Variants in TPP2 observed in about 807,000 individuals in gnomAD.
TPP2 encodes the protein tripeptidyl peptidase 2, also known as tripeptidyl-peptidase 2.
Under a neutral mutation model 155.9 loss-of-function variants are expected in TPP2, and 34 were observed. The ratio of observed to expected loss-of-function variants is 0.22; its 90% CI spans 0.17 to 0.29. The LOEUF (loss-of-function observed/expected upper bound fraction) is 0.29, where lower values mean the gene tolerates loss of function less well. Ranked by LOEUF, TPP2 falls within the 10% of genes least tolerant of loss-of-function variation. The pLI is 1.00. For synonymous variants in TPP2, 510 were observed against 529.4 expected (o/e 0.96, Z 0.50); for missense variants, 1,028 against 1,522.3 (o/e 0.68, Z 5.40).
chr13:102,629,034 T>G (rs1327155393), intron 8 of TPP2, among the ~76,000 whole-genome samples: 1 of 152,176 alleles, frequency 6.6e-6, no homozygotes, highest in Non-Finnish European at 1.5e-5. Context: ...CTAAGCAGGT[T>G]TCTTACACTT....
intron 6 of TPP2, among the ~76,000 whole-genome samples, chr13:102,626,132 CCTACAGTTAACTA>C (rs1249141482): frequency 6.6e-6 from 1 of 152,168 alleles, no homozygotes; most frequent in Non-Finnish European, 1.5e-5. Flanking sequence ...CCTCCCACCT[CCTACAGTTAACTA>C]CTATCCTGAT....
chr13:102,644,644 A>G lies in TPP2; in HGVS notation c.2263A>G (p.Ile755Val). 1.9e-6 allele frequency: 3 copies of G among 1,612,440 alleles called. No homozygotes were observed. Among genetic ancestry groups the G allele is most frequent in the Non-Finnish European group, 2.5e-6 (3 of 1,179,450 alleles). The change falls in exon 18 of 30, where the codon ATA (isoleucine) becomes GTA (valine). Residue 755 changes from isoleucine to valine, a missense_variant. By Grantham distance (29) the Ile-to-Val change is conservative. Around this residue, in one of 7 missense-constraint regions of TPP2, gnomAD observed 325 missense variants for 463.7 expected, o/e 0.70. Coordinates refer to ENST00000376052, the MANE Select transcript of TPP2 (RefSeq NM_001330588.2). ...NIDYTISFHG[I>V]VCTAPQLNIH... ...TGATTATACCATTTCTTTCCATGGG[A>G]TAGTGTGTACTGCTCCTCAGTTAAA...
chr13:102,663,340 G>T (rs1884380325), intron 25 of TPP2, among the ~76,000 whole-genome samples: 1 of 152,106 alleles, frequency 6.6e-6, no homozygotes, highest in Non-Finnish European at 1.5e-5. Context: ...TAGAGACGGG[G>T]TTTCACCATG....
chr13:102,669,299 A>G (rs910029071), intron 27 of TPP2, among the ~76,000 whole-genome samples: 11 of 152,116 alleles, frequency 7.2e-5, no homozygotes, highest in Non-Finnish European at 1.3e-4. Flanking sequence ...GACACGTTCT[A>G]CTGTGGCCTG....
chr13:102,638,641 A>G (rs555898670), intron 15 of TPP2, among the ~76,000 whole-genome samples: 1 of 152,200 alleles, frequency 6.6e-6, no homozygotes, highest in East Asian at 1.9e-4. Context: ...ATTTGACAAT[A>G]TTACTTCACT....
Position 102,604,871 on chromosome 13 carries a change from G to A in TPP2, c.244G>A (p.Val82Ile). Reference protein sequence around the residue: ...GSGDVNTATEVEPKDGEIVGL... With the variant: ...GSGDVNTATEIEPKDGEIVGL... Reference sequence around the variant, plus strand: ...TGGCGATGTGAATACTGCTACAGAAGTAGAGCCAAAGGATGGTGAGATTGT... The same window carrying A: ...TGGCGATGTGAATACTGCTACAGAAATAGAGCCAAAGGATGGTGAGATTGT... Residue 82 changes from valine (V) to isoleucine (I), a missense_variant, in exon 2 of 30, where the codon GTA becomes ATA. Coordinates refer to ENST00000376052, the MANE Select transcript of TPP2 (RefSeq NM_001330588.2). The A allele has an allele frequency of 6.2e-7, 1 of 1,614,086 alleles. No homozygotes were observed. Among genetic ancestry groups the A allele is most frequent in the Non-Finnish European group, 8.5e-7 (1 of 1,180,010 alleles).
chr13:102,640,641 A>ATTTTTTTTTTTTTTTTTTTT (rs5806315), intron 16 of TPP2, among the ~76,000 whole-genome samples: 1 of 84,198 alleles, frequency 1.2e-5, no homozygotes, highest in Non-Finnish European at 2.1e-5. Context: ...CCTGGTAATA[A>ATTTTTTTTTTTTTTTTTTTT]TTTTTTTTTT....
intron 2 of TPP2, 69 bp from the exon 3 acceptor site, chr13:102,614,032 C>G (rs1481019949): frequency 7.3e-6 from 10 of 1,363,968 alleles, no homozygotes; most frequent in Non-Finnish European, 1.0e-5. Context: ...TACTTTTTTG[C>G]TCAGTAGTGT....
At position 102,647,713 on chromosome 13, in the gene TPP2, G is replaced by A. The variant is rs1883215412; in HGVS notation, c.2628+369G>A. Among the ~76,000 whole-genome samples, 6 of 152,252 alleles carry A rather than the reference G, an allele frequency of 3.9e-5. No homozygotes were observed. In the South Asian group the frequency reaches 1.2e-3, roughly 32 times the overall value. On this transcript the variant is annotated intron_variant, in intron 21 of 29. Transcript: ENST00000376052. ...CCTCTTGAAATGATCCTAAGTCTGA[G>A]GGGGCTAAAGAGAGCACTGCAGCAG...
chr13:102,636,573 T>C (rs1236397157), intron 13 of TPP2, among the ~76,000 whole-genome samples, 181 bp downstream of exon 13: 1 of 152,222 alleles, frequency 6.6e-6, no homozygotes, highest in African/African-American at 2.4e-5. Context: ...CCTTGTACAA[T>C]GGCAATTTAG....
chr13:102,635,470 G>A (rs1020823976), intron 11 of TPP2, 117 bp from the exon 12 acceptor site: 1 of 655,340 alleles, frequency 1.5e-6, no homozygotes, highest in Non-Finnish European at 2.6e-6. Context: ...TTTAAAATGA[G>A]TGTTAGAACA....
At chr13:102,672,804 A>G (rs1438313404) in intron 27 of TPP2, among the ~76,000 whole-genome samples, 2 of 152,210 alleles carry the variant, frequency 1.3e-5, no homozygotes, top group African/African-American at 4.8e-5. Context: ...AAGTCCCAAA[A>G]GTCTACTTGT....
chr13:102,640,088 AGGT>A lies in TPP2; in HGVS notation c.1914-181_1914-179del, dbSNP rs1333550198. The stretch of plus-strand genomic sequence containing the variant: ...GAATCATCTATACTCTGCTATTCAG[AGGT>A]TATCTCTGCTAACCTACTGCAAAAA... On this transcript the variant is annotated intron_variant, in intron 15 of 29. Coordinates refer to ENST00000376052, the MANE Select transcript of TPP2 (RefSeq NM_001330588.2). Among the ~76,000 whole-genome samples, 1,178 of 152,196 alleles carry A rather than the reference AGGT, an allele frequency of 7.7e-3. 17 individuals are homozygous for A. Among genetic ancestry groups the A allele is most frequent in the African/African-American group, 0.026 (1,089 of 41,452 alleles).
chr13:102,644,367 T>C (rs1311678045), intron 17 of TPP2, among the ~76,000 whole-genome samples, 190 bp from the exon 18 acceptor site: 1 of 152,214 alleles, frequency 6.6e-6, no homozygotes, highest in Non-Finnish European at 1.5e-5. Context: ...ACTATGTATA[T>C]TTAAATACAC....
In TPP2 at chr13:102,597,447, G is replaced by A. The variant is rs566776734; in HGVS notation, c.165+244G>A. Among the ~76,000 whole-genome samples the A allele has an allele frequency of 6.6e-5, 10 of 152,300 alleles. No homozygotes were observed. The South Asian group carries it at 1.9e-3, about 28-fold the overall frequency. On this transcript the variant is annotated intron_variant, in intron 1 of 29. Coordinates refer to ENST00000376052, the MANE Select transcript of TPP2 (RefSeq NM_001330588.2). ...GGCGAGGGCCCGGACCCCAGGTTGG[G>A]CCGTGGTCCCCCCAGCTCAACAAAA...
At chr13:102,612,467 T>C (rs1880394795) in intron 2 of TPP2, among the ~76,000 whole-genome samples, 1 of 152,242 alleles carries the variant, frequency 6.6e-6, no homozygotes, top group African/African-American at 2.4e-5. Flanking sequence ...TAGAACCATT[T>C]TTAAGATACC....
chr13:102,667,713 T>G (rs1186857283), intron 27 of TPP2: 3 of 980,436 alleles, frequency 3.1e-6, no homozygotes, highest in Non-Finnish European at 3.6e-6. Context: ...TTACAGCTAA[T>G]TTAACCCAGG....
intron 2 of TPP2, among the ~76,000 whole-genome samples, chr13:102,605,996 A>T (rs776230039): frequency 6.6e-6 from 1 of 152,202 alleles, no homozygotes; most frequent in South Asian, 2.1e-4. Flanking sequence ...TGCTGGGATT[A>T]TAGGCGTGAG....
chr13:102,631,310 TTAG>T (rs1882002890), intron 10 of TPP2: 1 of 152,236 alleles, frequency 6.6e-6, no homozygotes, highest in Non-Finnish European at 1.5e-5. Context: ...TAAACTTATC[TTAG>T]TAGCTTATTA....
Sources: allele counts gnomAD v4.1 joint callset (sites outside exome capture counted in the v4.1 genomes callset), GRCh38; gene constraint gnomAD v4.1.1; regional missense constraint gnomAD v4.1.1; transcripts MANE v1.5; gene names NCBI Gene and HGNC (gene_info 2026-07-23, HGNC 2026-07-21).